Variants in ZNF708 observed in about 807,000 individuals in gnomAD.
ZNF708 encodes the protein zinc finger protein 708.
Under a neutral mutation model 47.0 loss-of-function variants are expected in ZNF708, and 44 were observed. That is an observed-to-expected ratio of 0.94 (90% CI 0.74 to 1.20). ZNF708 has a LOEUF of 1.20. Ranked by LOEUF, ZNF708 falls within the 50% of genes most tolerant of loss-of-function variation. The probability of loss-of-function intolerance (pLI) is 0.00; values close to 1 mark genes in which losing one functional copy is unlikely to be tolerated. For synonymous variants in ZNF708, 184 were observed against 218.5 expected (o/e 0.84, Z 1.39); for missense variants, 557 against 656.0 (o/e 0.85, Z 1.65).
chr19:21,296,426 TGA>T (rs1972527933), intron 3 of ZNF708, among the ~76,000 whole-genome samples: 2 of 152,010 alleles, frequency 1.3e-5, no homozygotes, highest in South Asian at 2.1e-4. Flanking sequence ...CGGTTGGACC[TGA>T]GAGGCGGAGA....
In ZNF708 at chr19:21,291,175, G is replaced by A. The variant is rs1035399025; in HGVS notation, c.*2099C>T. On this transcript the variant is annotated 3_prime_UTR_variant, in exon 4 of 4. Transcript: ENST00000356929. Reference sequence around the variant, plus strand: ...ACACATCATCTGAAAATTTAAAAATGTACTGCATTTTATTACATAAAAGTA... The same window carrying A: ...ACACATCATCTGAAAATTTAAAAATATACTGCATTTTATTACATAAAAGTA... The A allele has an allele frequency of 4.0e-5, 6 of 151,218 alleles. No individual in the cohort carries two copies. Among genetic ancestry groups the A allele is most frequent in the Non-Finnish European group, 8.8e-5 (6 of 67,900 alleles). The allele number at this position is 151,218 out of a possible 1,614,324, so 9.4% of individuals were successfully genotyped here. A position where few individuals can be genotyped will look rare whatever the true frequency, so the allele number is the denominator to read the frequency against.
chr19:21,293,297 C>T lies in ZNF708; in HGVS notation c.1669G>A (p.Glu557Lys), dbSNP rs993543458. 6 of 1,607,960 alleles carry T rather than the reference C, an allele frequency of 3.7e-6. No homozygotes were observed. The highest frequency in any genetic ancestry group is 5.1e-6 in the Non-Finnish European group (6 of 1,177,798). Residue 557 changes from glutamate (E) to lysine (K), a missense_variant, in exon 4 of 4, where the codon GAG (glutamate) becomes AAG (lysine). Transcript: ENST00000356929. The stretch of plus-strand genomic sequence containing the variant: ...CATTATTTACATTTGTAGGGTTTCT[C>T]TTTGGTATGAATTCTCTTATGTTTA... Reference protein sequence around the residue: ...LTKHKRIHTKEKPYKCK With the variant: ...LTKHKRIHTKKKPYKCK
At chr19:21,301,186 C>T (rs1024778699) in intron 3 of ZNF708, among the ~76,000 whole-genome samples, 1 of 151,948 alleles carries the variant, frequency 6.6e-6, no homozygotes, top group African/African-American at 2.4e-5. Flanking sequence ...AAGATAAAAA[C>T]AACCTGAGAG....
chr19:21,304,368 T>A (rs1781867), intron 3 of ZNF708, among the ~76,000 whole-genome samples: 32 of 151,848 alleles, frequency 2.1e-4, no homozygotes, highest in South Asian at 1.2e-3. Flanking sequence ...TGCTCCCCCA[T>A]GACCCAAACA....
chr19:21,312,054 G>T (rs1195228444), intron 1 of ZNF708, among the ~76,000 whole-genome samples: 2 of 152,046 alleles, frequency 1.3e-5, no homozygotes, highest in Non-Finnish European at 2.9e-5. Flanking sequence ...CAGCACTTTG[G>T]GGGGCCAAGG....
chr19:21,299,167 A>G (rs113250762), intron 3 of ZNF708, among the ~76,000 whole-genome samples: 2,404 of 152,312 alleles, frequency 0.016, 74 homozygotes, highest in African/African-American at 0.051. Context: ...CAGCCTGGCC[A>G]AGATGGTGAA....
At chr19:21,327,937 C>G (rs1599695810) in intron 1 of ZNF708, 5 of 996,550 alleles carry the variant, frequency 5.0e-6, no homozygotes, top group East Asian at 1.6e-4. Context: ...CCACCTGCTC[C>G]CTTGAGAAGC....
intron 1 of ZNF708, among the ~76,000 whole-genome samples, chr19:21,320,640 C>T (rs1164227078): frequency 6.6e-6 from 1 of 152,012 alleles, no homozygotes; most frequent in Non-Finnish European, 1.5e-5. Flanking sequence ...CTGCAATGAG[C>T]AGTCATCGCA....
chr19:21,320,492 C>G (rs887172270), intron 1 of ZNF708, among the ~76,000 whole-genome samples: 1 of 151,664 alleles, frequency 6.6e-6, no homozygotes, highest in Non-Finnish European at 1.5e-5. Flanking sequence ...TTGAGACCAG[C>G]CTGGGCAACA....
At chr19:21,297,274 T>A (rs1202376494) in intron 3 of ZNF708, among the ~76,000 whole-genome samples, 1,000 of 31,256 alleles carry the variant, frequency 0.032, 3 homozygotes, top group African/African-American at 0.069. Context: ...ATATATATTT[T>A]TTTTTTTTTT....
intron 3 of ZNF708, among the ~76,000 whole-genome samples, chr19:21,299,330 G>T (rs765928299): frequency 6.6e-6 from 1 of 152,086 alleles, no homozygotes; most frequent in South Asian, 2.1e-4. Context: ...TCCAGCCTGG[G>T]TGACAGAGTG....
chr19:21,321,344 T>C (rs1204361801), intron 1 of ZNF708, among the ~76,000 whole-genome samples: 2 of 151,946 alleles, frequency 1.3e-5, no homozygotes, highest in East Asian at 3.9e-4. Flanking sequence ...TGCCACCACA[T>C]TGGGAGACCA....
intron 1 of ZNF708, chr19:21,318,774 G>C (rs1346691360): frequency 1.3e-5 from 2 of 152,194 alleles, no homozygotes; most frequent in African/African-American, 4.8e-5. Context: ...TGAGCTTGCC[G>C]CATAACTAAC....
In ZNF708 at chr19:21,294,479, T is replaced by C; in HGVS notation, c.487A>G (p.Thr163Ala). ...SNAKRHKIRH[T>A]GKNPFKCKEC... ...TTACATTTGAAAGGATTTTTTCCAG[T>C]ATGTCTTATCTTATGTCTCTTTGCA... is the stretch of plus-strand genomic sequence containing the variant. Residue 163 changes from threonine (T) to alanine (A), a missense_variant, in exon 4 of 4, where the codon ACT becomes GCT. Thr to Ala is a moderately conservative substitution (Grantham distance 58). Coordinates refer to ENST00000356929, the MANE Select transcript of ZNF708 (RefSeq NM_021269.3). 1 of 1,614,182 alleles carries C rather than the reference T, an allele frequency of 6.2e-7. No individual in the cohort carries two copies. Among genetic ancestry groups the C allele is most frequent in the Non-Finnish European group, 8.5e-7 (1 of 1,180,000 alleles).
rs567153439 is a variant in ZNF708 at position 21,322,599 on chromosome 19, G to A, written c.3+6611C>T. ...ATTACAGGCGTGAGCCACGGCACCC[G>A]GCCAGAGCTCCTATTCTCTAATTTT... On this transcript the variant is annotated intron_variant, in intron 1 of 3. Transcript: ENST00000356929. 4.8e-4 allele frequency among the ~76,000 whole-genome samples: 73 copies of A among 152,020 alleles called. 1 individual carries two copies. Among genetic ancestry groups the A allele is most frequent in the Admixed American group, 1.4e-3 (22 of 15,258 alleles).
At position 21,292,962 on chromosome 19, in the gene ZNF708, C is replaced by A; in HGVS notation, c.*312G>T. On this transcript the variant is annotated 3_prime_UTR_variant, in exon 4 of 4. Coordinates refer to ENST00000356929, the MANE Select transcript of ZNF708 (RefSeq NM_021269.3). ...CATTTTTCGCATTTTTAAAGTTCCT[C>A]ACCAGTATGATTTATTTTATGTTTA... The A allele has an allele frequency of 4.1e-6, 1 of 242,668 alleles. No homozygotes were observed. The highest frequency in any genetic ancestry group is 8.1e-6 in the Non-Finnish European group (1 of 123,546). The allele number at this position is 242,668 out of a possible 1,614,324, so 15.0% of individuals were successfully genotyped here.
intron 3 of ZNF708, among the ~76,000 whole-genome samples, chr19:21,297,248 A>ATATATATATACCT (rs1388666676): frequency 2.1e-4 from 2 of 9,408 alleles, no homozygotes; most frequent in African/African-American, 8.6e-4. Flanking sequence ...AATAAGGTAT[A>ATATATATATACCT]TATATATATA....
chr19:21,294,164 T>C lies in ZNF708; in HGVS notation c.802A>G (p.Thr268Ala), dbSNP rs749705304. The C allele has an allele frequency of 1.9e-6, 3 of 1,612,470 alleles. No individual in the cohort carries two copies. Among genetic ancestry groups the C allele is most frequent in the Non-Finnish European group, 2.5e-6 (3 of 1,179,602 alleles). The change falls in exon 4 of 4, where the codon ACT becomes GCT. Residue 268 changes from threonine to alanine, a missense_variant. Thr to Ala is a moderately conservative substitution (Grantham distance 58). Transcript: ENST00000356929. ...GKAFNRSSNL[T>A]KHKIVHTGEK... The stretch of plus-strand genomic sequence containing the variant: ...CCAGTATGAACTATCTTATGTTTAG[T>C]AAGGTTTGAGGACCGGTTAAAAGCT...
intron 3 of ZNF708, chr19:21,306,963 CAT>C (rs1599677021): frequency 8.7e-6 from 1 of 115,556 alleles, no homozygotes; most frequent in African/African-American, 3.0e-5. Context: ...AATAACATAA[CAT>C]AACATAACAT....
Sources: gnomAD v4.1 joint callset for allele counts (sites outside exome capture counted in the v4.1 genomes callset) on GRCh38, gnomAD v4.1.1 for gene constraint, MANE v1.5 for transcripts, NCBI Gene and HGNC (gene_info 2026-07-23, HGNC 2026-07-21) for gene names.